The following EVC2 variants were observed in gnomAD, a reference collection of about 807,000 sequenced individuals.
The protein encoded by EVC2 is EvC ciliary complex subunit 2.
Under a neutral mutation model 149.3 loss-of-function variants are expected in EVC2, and 148 were observed. The observed-to-expected ratio is 0.99, with a 90% CI of 0.87 to 1.14. The LOEUF (loss-of-function observed/expected upper bound fraction) is 1.14, where lower values mean the gene tolerates loss of function less well. Among genes scored for constraint, EVC2 ranks in the 50% most tolerant of loss-of-function variants. The pLI is 0.00. For synonymous variants in EVC2, 776 were observed against 649.9 expected (o/e 1.19, Z -2.95); for missense variants, 1,854 against 1,627.3 (o/e 1.14, Z -2.40).
rs757520426 is a variant in EVC2, at chr4:5,567,060, G to A, written c.3557+1384C>T. On this transcript the variant is annotated intron_variant, in intron 20 of 21. Coordinates refer to ENST00000344408, the MANE Select transcript of EVC2 (RefSeq NM_147127.5). The surrounding 1 kb of genome is among the most constrained non-coding windows in gnomAD (Gnocchi z 4.4). ...CTGTCATCCTGTCACTGGACATTCCGTTTGGCAGAGGTGGCCTCCTTCTGG... is the reference window on the plus strand; with the variant it reads ...CTGTCATCCTGTCACTGGACATTCCATTTGGCAGAGGTGGCCTCCTTCTGG... Among the ~76,000 whole-genome samples, 7 of 152,118 alleles carry A rather than the reference G, an allele frequency of 4.6e-5. No homozygotes were observed. Among genetic ancestry groups the A allele is most frequent in the Admixed American group, 6.5e-5 (1 of 15,284 alleles).
At chr4:5,591,083 G>T (rs1712752338) in intron 16 of EVC2, among the ~76,000 whole-genome samples, 1 of 152,172 alleles carries the variant, frequency 6.6e-6, no homozygotes, top group African/African-American at 2.4e-5. Flanking sequence ...TACAATTCAA[G>T]ATGAGATTGG....
intron 21 of EVC2, among the ~76,000 whole-genome samples, chr4:5,546,571 G>T (rs188572710): frequency 6.6e-6 from 1 of 152,120 alleles, no homozygotes; most frequent in Non-Finnish European, 1.5e-5. Flanking sequence ...ATTGTGGGGT[G>T]GGGGGATGGG....
chr4:5,570,936 C>G (rs1225924770), intron 19 of EVC2, among the ~76,000 whole-genome samples: 2 of 152,004 alleles, frequency 1.3e-5, no homozygotes, highest in Non-Finnish European at 2.9e-5. Context: ...TGAGGAGGAG[C>G]TGAGCTATGA....
At chr4:5,572,857 CG>C (rs1722715467) in intron 19 of EVC2, among the ~76,000 whole-genome samples, 1 of 152,122 alleles carries the variant, frequency 6.6e-6, no homozygotes, top group South Asian at 2.1e-4. Flanking sequence ...AGACATAGGC[CG>C]GGGTGGTCAT....
chr4:5,561,584 G>A (rs537378457), downstream of EVC2, among the ~76,000 whole-genome samples: 77 of 152,298 alleles, frequency 5.1e-4, no homozygotes, highest in African/African-American at 1.6e-3. Context: ...ATGCTGATGG[G>A]AAACTGCAAA....
At position 5,650,770 on chromosome 4, in the gene EVC2, C is replaced by T. The variant is rs368998781; in HGVS notation, c.1146-9932G>A. Among the ~76,000 whole-genome samples the T allele has an allele frequency of 4.6e-5, 7 of 151,266 alleles. No homozygotes were observed. In the East Asian group the frequency reaches 7.8e-4, roughly 17 times the overall value. ...CATAGAAAAATTAAAATACCTTTTT[C>T]AAAGTCATATAACTATTAAATGACA... On this transcript the variant is annotated intron_variant, in intron 9 of 21. Coordinates refer to ENST00000344408, the MANE Select transcript of EVC2 (RefSeq NM_147127.5).
At position 5,623,287 on chromosome 4, in the gene EVC2, C is replaced by T. The variant is rs150863829; in HGVS notation, c.2047-296G>A. ...AAGTAGCTGCAATTACGGGCACGTG[C>T]GCCATGATGCCAGGCTAACTTTTTA... On this transcript the variant is annotated intron_variant, in intron 13 of 21. Transcript: ENST00000344408. Among the ~76,000 whole-genome samples, 34 of 151,982 alleles carry T rather than the reference C, an allele frequency of 2.2e-4. 1 individual carries two copies. Among genetic ancestry groups the T allele is most frequent in the African/African-American group, 7.2e-4 (30 of 41,430 alleles).
chr4:5,692,198 T>G (rs1721164112), intron 3 of EVC2, among the ~76,000 whole-genome samples: 1 of 152,212 alleles, frequency 6.6e-6, no homozygotes, highest in Admixed American at 6.5e-5. Context: ...TTATTTATTT[T>G]GTTTATTTTT....
intron 16 of EVC2, among the ~76,000 whole-genome samples, chr4:5,589,633 T>C (rs1712606998): frequency 6.6e-6 from 1 of 151,942 alleles, no homozygotes; most frequent in Non-Finnish European, 1.5e-5. Context: ...TTTAGGGCAG[T>C]AACCTGGGAC....
At chr4:5,631,595 G>C (rs530084687) in intron 11 of EVC2, among the ~76,000 whole-genome samples, 198 bp downstream of exon 11, 8 of 151,784 alleles carry the variant, frequency 5.3e-5, no homozygotes, top group African/African-American at 9.7e-5. Flanking sequence ...TTCCAATCCA[G>C]GTCAGCCCGA....
At chr4:5,604,919 C>A (rs1330682430) in intron 16 of EVC2, among the ~76,000 whole-genome samples, 1 of 151,864 alleles carries the variant, frequency 6.6e-6, no homozygotes, top group Non-Finnish European at 1.5e-5. Flanking sequence ...CCTCTGCTAC[C>A]CCCGAGACAG....
intron 15 of EVC2, 71 bp from the exon 16 acceptor site, chr4:5,615,615 C>A (rs1715189606): frequency 1.2e-6 from 2 of 1,610,374 alleles, no homozygotes; most frequent in Admixed American, 3.3e-5. Context: ...CCCCCGAGGG[C>A]TTTGCAGGTC....
intron 16 of EVC2, among the ~76,000 whole-genome samples, chr4:5,602,087 CA>C (rs1004107507): frequency 1.3e-5 from 2 of 151,854 alleles, no homozygotes; most frequent in Non-Finnish European, 2.9e-5. Flanking sequence ...CCAGCCTGGG[CA>C]ATGTAGTGAG....
chr4:5,644,256 A>G (rs979688545), intron 9 of EVC2, among the ~76,000 whole-genome samples: 40 of 152,180 alleles, frequency 2.6e-4, no homozygotes, highest in African/African-American at 9.6e-4. Context: ...TTTTTGAGTG[A>G]CCTTTAAAAA....
rs531411166 is a variant in EVC2, at chr4:5,574,569, G to T, written c.3360+116C>A. The T allele has an allele frequency of 2.2e-5, 23 of 1,046,264 alleles. No individual in the cohort carries two copies. The East Asian group carries it at 5.0e-4, about 23-fold the overall frequency. The allele number at this position is 1,046,264 out of a possible 1,614,324, so 64.8% of individuals were successfully genotyped here. On this transcript the variant is annotated intron_variant, in intron 19 of 21. Coordinates refer to ENST00000344408, the MANE Select transcript of EVC2 (RefSeq NM_147127.5). ...AGCTTCGCACACATCTGCTCTGCAG[G>T]TTCCAAGGCTGGCTTTTCATCACCA...
Position 5,636,474 on chromosome 4 carries a change from A to T in EVC2, c.1470+4040T>A, listed in dbSNP as rs888047351. Among the ~76,000 whole-genome samples the T allele has an allele frequency of 6.6e-6, 1 of 152,170 alleles. No homozygotes were observed. Among genetic ancestry groups the T allele is most frequent in the African/African-American group, 2.4e-5 (1 of 41,446 alleles). ...TTATTCCCTAAACAACATTCCCTAA[A>T]CTATTTTTTATGCATTTATACAAAC... On this transcript the variant is annotated intron_variant, in intron 10 of 21. Transcript: ENST00000344408. This position sits in a 1 kb window ranked among gnomAD's most constrained non-coding sequence, Gnocchi z 4.6.
intron 3 of EVC2, among the ~76,000 whole-genome samples, chr4:5,691,938 A>G (rs1369856188): frequency 2.6e-5 from 4 of 152,174 alleles, no homozygotes; most frequent in East Asian, 1.9e-4. Flanking sequence ...CTAATAACAA[A>G]TATCTGTTCA....
At chr4:5,706,305 C>CATAG (rs1258572388) in intron 1 of EVC2, among the ~76,000 whole-genome samples, 1 of 53,092 alleles carries the variant, frequency 1.9e-5, no homozygotes, top group Non-Finnish European at 3.7e-5. Flanking sequence ...TAGATAGATA[C>CATAG]ATAGATAGAT....
chr4:5,609,045 C>T (rs1714618768), intron 16 of EVC2, among the ~76,000 whole-genome samples: 1 of 152,074 alleles, frequency 6.6e-6, no homozygotes, highest in Non-Finnish European at 1.5e-5. Context: ...AGACTTACAC[C>T]AGCAGCTCCC....
Sources: allele counts gnomAD v4.1 joint callset (sites outside exome capture counted in the v4.1 genomes callset), GRCh38; gene constraint gnomAD v4.1.1; non-coding constraint Gnocchi (gnomAD v3.1); transcripts MANE v1.5; gene names NCBI Gene and HGNC (gene_info 2026-07-23, HGNC 2026-07-21).